The following OPRM1 variants were observed in gnomAD, a reference collection of about 807,000 sequenced individuals.
OPRM1 encodes mu-type opioid receptor.
OPRM1 carries 27 observed loss-of-function variants against 31.8 expected under a neutral mutation model. That is an observed-to-expected ratio of 0.85 (90% CI 0.63 to 1.17). The LOEUF (loss-of-function observed/expected upper bound fraction) is 1.17, where lower values mean the gene tolerates loss of function less well. Ranked by LOEUF, OPRM1 falls within the 50% of genes most tolerant of loss-of-function variation. OPRM1 has a pLI of 0.00. For synonymous variants in OPRM1, 196 were observed against 189.9 expected, an observed-to-expected ratio of 1.03 and a Z score of -0.26; for missense variants, 536 against 511.1, an observed-to-expected ratio of 1.05 and a Z score of -0.47.
At chr6:154,135,297 C>T (rs1014276204), downstream of OPRM1, among the ~76,000 whole-genome samples, 5 of 152,044 alleles carry the variant, frequency 3.3e-5, no homozygotes, top group Admixed American at 1.3e-4. Flanking sequence ...GGCAACACCC[C>T]GTCTCTACTA....
chr6:154,117,141 C>T (rs560375768), intron 3 of OPRM1, among the ~76,000 whole-genome samples: 1 of 152,306 alleles, frequency 6.6e-6, no homozygotes, highest in Admixed American at 6.5e-5. Flanking sequence ...CGCTGCCCAC[C>T]TTCTGCACCA....
rs1245539461 is a variant in OPRM1 at position 154,230,858 on chromosome 6, A to C, written c.1165-15835A>C. Among the ~76,000 whole-genome samples the C allele has an allele frequency of 2.0e-5, 3 of 152,318 alleles. No individual in the cohort carries two copies. The East Asian group carries it at 5.8e-4, about 29-fold the overall frequency. On this transcript the variant is annotated intron_variant, in intron 3 of 3. Coordinates refer to the OPRM1 transcript ENST00000337049. ...TAAATAAATTACAGGTCTTAAATAG[A>C]ATCTTGAATTCAAGAAAAAAAAACA...
At chr6:154,184,304 A>G (rs13191395) in intron 3 of OPRM1, among the ~76,000 whole-genome samples, 13,623 of 152,082 alleles carry the variant, frequency 0.09, 889 homozygotes, top group African/African-American at 0.18. Context: ...AAAAAATTGG[A>G]AATCACCTAC....
intron 1 of OPRM1, among the ~76,000 whole-genome samples, chr6:154,057,566 T>A (rs955409069): frequency 5.3e-5 from 8 of 152,198 alleles, no homozygotes; most frequent in African/African-American, 1.9e-4. Context: ...ATTATTTATG[T>A]CTCAGAGGCA....
rs145653390 is a variant in OPRM1, at chr6:154,146,636, G to A, written c.1164+55164G>A. ...CATTAAGGTGACAAGTTAGGGAAAA[G>A]AGCATTTGCATTCTAGCTTCATTCT... On this transcript the variant is annotated intron_variant, in intron 3 of 3. Coordinates refer to the OPRM1 transcript ENST00000337049. Among the ~76,000 whole-genome samples the A allele has an allele frequency of 2.5e-3, 383 of 152,340 alleles. 2 individuals carry two copies. Among genetic ancestry groups the A allele is most frequent in the African/African-American group, 8.6e-3 (358 of 41,578 alleles).
chr6:154,061,913 A>C (rs1311637310), intron 1 of OPRM1, among the ~76,000 whole-genome samples: 1 of 152,196 alleles, frequency 6.6e-6, no homozygotes, highest in Non-Finnish European at 1.5e-5. Flanking sequence ...AATTATGAAA[A>C]TATAATGCGT....
intron 3 of OPRM1, among the ~76,000 whole-genome samples, chr6:154,149,619 T>TGC (rs1554284660): frequency 1.9e-4 from 26 of 136,734 alleles, no homozygotes; most frequent in Middle Eastern, 3.6e-3. Flanking sequence ...TGTGTGTGTG[T>TGC]GCGCGCGTGT....
intron 3 of OPRM1, among the ~76,000 whole-genome samples, chr6:154,206,715 T>A (rs1460812940): frequency 6.6e-6 from 1 of 152,196 alleles, no homozygotes. Context: ...AATCTACATC[T>A]GAAGCTACCA....
At chr6:154,222,252 G>A (rs1187898905) in intron 3 of OPRM1, among the ~76,000 whole-genome samples, 2 of 152,212 alleles carry the variant, frequency 1.3e-5, no homozygotes, top group East Asian at 1.9e-4. Flanking sequence ...CCTGCAGCAC[G>A]GCACAGGCCA....
At chr6:154,165,257 C>T (rs1464611758) in intron 3 of OPRM1, among the ~76,000 whole-genome samples, 2 of 152,160 alleles carry the variant, frequency 1.3e-5, no homozygotes, top group South Asian at 2.1e-4. Flanking sequence ...AGGACCCGCA[C>T]CCAGCACTCA....
intron 3 of OPRM1, chr6:154,159,345 G>A (rs1798840449): frequency 1.2e-5 from 2 of 163,240 alleles, no homozygotes; most frequent in Non-Finnish European, 2.6e-5. Context: ...GCAACACCAC[G>A]TTTGTCCTTC....
chr6:154,129,852 G>GCACACACACACA lies in OPRM1; in HGVS notation c.*11154_*11165dup, dbSNP rs59576607. Among the ~76,000 whole-genome samples the GCACACACACACA allele has an allele frequency of 8.9e-4, 117 of 131,552 alleles. 1 individual carries two copies. The highest frequency in any genetic ancestry group is 3.1e-3 in the African/African-American group (112 of 35,866). 86.3% of individuals were successfully genotyped at this position (131,552 alleles called of 152,430 possible). On this transcript the variant is annotated 3_prime_UTR_variant, in exon 4 of 4. Transcript: ENST00000330432. ...TTACCACCGACACCCTCCCCCCCCAGCACACACACACACACACACACACAC... is the reference window on the plus strand; with the variant it reads ...TTACCACCGACACCCTCCCCCCCCAGCACACACACACACACACACACACACACACACACACAC...
chr6:154,241,397 A>T (rs1780581600), intron 3 of OPRM1, among the ~76,000 whole-genome samples: 1 of 152,184 alleles, frequency 6.6e-6, no homozygotes, highest in African/African-American at 2.4e-5. Flanking sequence ...TAATAATTTT[A>T]TACAAAGAAA....
At chr6:154,111,752 TTTTATTTA>T (rs3070806) in intron 3 of OPRM1, among the ~76,000 whole-genome samples, 2 of 149,270 alleles carry the variant, frequency 1.3e-5, no homozygotes. Context: ...TATAGTTTAT[TTTTATTTA>T]TTTATTTATT....
intron 1 of OPRM1, among the ~76,000 whole-genome samples, chr6:154,029,158 A>G (rs1253173876): frequency 6.6e-6 from 1 of 152,230 alleles, no homozygotes; most frequent in Non-Finnish European, 1.5e-5. Flanking sequence ...ACAGATTCAC[A>G]TATTAAACAG....
intron 3 of OPRM1, among the ~76,000 whole-genome samples, chr6:154,230,042 G>A (rs1185961176): frequency 6.6e-6 from 1 of 152,184 alleles, no homozygotes; most frequent in African/African-American, 2.4e-5. Flanking sequence ...AAGCAGGACG[G>A]TGGTTGCCTG....
At chr6:154,152,372 G>GAA (rs1470896068) in intron 3 of OPRM1, among the ~76,000 whole-genome samples, 2 of 149,302 alleles carry the variant, frequency 1.3e-5, no homozygotes, top group African/African-American at 2.5e-5. Context: ...AAGAAAGAAA[G>GAA]AAAGAAAGAA....
intron 3 of OPRM1, among the ~76,000 whole-genome samples, chr6:154,138,959 C>T (rs942691491): frequency 2.0e-5 from 3 of 152,202 alleles, no homozygotes; most frequent in Admixed American, 2.0e-4. Flanking sequence ...TGACCCCACC[C>T]AGGAACTGAC....
intron 3 of OPRM1, among the ~76,000 whole-genome samples, chr6:154,197,359 T>C (rs1207134802): frequency 2.6e-5 from 4 of 152,190 alleles, no homozygotes; most frequent in Admixed American, 6.5e-5. Context: ...GCTGTTTCCA[T>C]AGAGATGACT....
Sources: allele counts gnomAD v4.1 joint callset (sites outside exome capture counted in the v4.1 genomes callset), GRCh38; gene constraint gnomAD v4.1.1; transcripts MANE v1.5; gene names NCBI Gene and HGNC (gene_info 2026-07-23, HGNC 2026-07-21).